Variants in COL5A1 observed in about 807,000 individuals in gnomAD.
COL5A1 encodes collagen type V alpha 1 chain.
In COL5A1, 16 loss-of-function variants were observed where a neutral mutation model predicts 263.7. The ratio of observed to expected loss-of-function variants is 0.06; its 90% CI spans 0.04 to 0.09. The LOEUF is 0.09. COL5A1 is among the 10% of genes least tolerant of loss of function. The pLI, the probability that COL5A1 is intolerant of heterozygous loss-of-function variation, is 1.00. For synonymous variants in COL5A1, 1,012 were observed against 1,004.5 expected (o/e 1.01, Z -0.14); for missense variants, 2,036 against 2,540.5 (o/e 0.80, Z 4.27).
chr9:134,657,530 G>C (rs1223697133), intron 1 of COL5A1, among the ~76,000 whole-genome samples: 1 of 77,420 alleles, frequency 1.3e-5, no homozygotes, highest in Non-Finnish European at 2.5e-5. Context: ...TGGGGGTGGG[G>C]TGGGGGTGTA....
chr9:134,772,697 T>A, intron 25 of COL5A1, 93 bp from the exon 26 acceptor site: 1 of 1,306,856 alleles, frequency 7.7e-7, no homozygotes, highest in Non-Finnish European at 1.1e-6. Context: ...GGAAATGGGC[T>A]CCATGATCAT....
At chr9:134,753,788 C>A in intron 14 of COL5A1, 62 bp from the exon 15 acceptor site, 2 of 1,131,850 alleles carry the variant, frequency 1.8e-6, no homozygotes, top group Non-Finnish European at 2.7e-6. Context: ...CCACCCCCAG[C>A]CCTTCCTGTG....
rs1203430164 is a variant in COL5A1 at position 134,642,477 on chromosome 9, C to T, written c.109+181C>T. 6.6e-6 allele frequency among the ~76,000 whole-genome samples: 1 copy of T among 151,402 alleles called. No individual in the cohort carries two copies. Among genetic ancestry groups the T allele is most frequent in the Non-Finnish European group, 1.5e-5 (1 of 67,560 alleles). On this transcript the variant is annotated intron_variant, in intron 1 of 65. Transcript: ENST00000371817. The surrounding 1 kb of genome is among the most constrained non-coding windows in gnomAD (Gnocchi z 4.5). ...GAGATGACGACACGCAGACACAATG[C>T]CCGCGGGCGCGCCGCCGCCCCCTCC...
At chr9:134,664,722 G>T (rs567097383) in intron 1 of COL5A1, among the ~76,000 whole-genome samples, 4 of 152,328 alleles carry the variant, frequency 2.6e-5, no homozygotes, top group African/African-American at 9.6e-5. Context: ...TGTTCCCATG[G>T]TGCCTTCTCT....
intron 11 of COL5A1, among the ~76,000 whole-genome samples, chr9:134,744,192 C>T (rs1339260648): frequency 6.6e-6 from 1 of 152,188 alleles, no homozygotes; most frequent in Admixed American, 6.5e-5. Context: ...ATGGGACACG[C>T]CAATCCAGTC....
chr9:134,768,491 C>A, intron 25 of COL5A1, 28 bp downstream of exon 25: 1 of 1,609,640 alleles, frequency 6.2e-7, no homozygotes, highest in Non-Finnish European at 8.5e-7. Flanking sequence ...CCTCATCCCT[C>A]CATACTCTCC....
At chr9:134,812,840 G>A (rs1247574411) in intron 48 of COL5A1, 128 bp downstream of exon 48, 5 of 735,668 alleles carry the variant, frequency 6.8e-6, no homozygotes, top group Non-Finnish European at 1.2e-5. Context: ...GCATACACGT[G>A]TGTGTACCTC....
rs149305894 is a variant in COL5A1, at chr9:134,806,565, T to C, written c.3366+269T>C. Among the ~76,000 whole-genome samples, 33 of 152,248 alleles carry C rather than the reference T, an allele frequency of 2.2e-4. No individual in the cohort carries two copies. In the East Asian group the frequency reaches 6.4e-3, roughly 29 times the overall value. On this transcript the variant is annotated intron_variant, in intron 42 of 65. Coordinates refer to ENST00000371817, the MANE Select transcript of COL5A1 (RefSeq NM_000093.5). ...GCCCTGTGGGATGATGTTGGGCCGG[T>C]CTCAGCCTGTCCACGCGTGCATGCT...
At chr9:134,708,761 C>G (rs535008844) in intron 4 of COL5A1, 1 of 472,346 alleles carries the variant, frequency 2.1e-6, no homozygotes, top group South Asian at 1.5e-5. Context: ...AACCAACTGT[C>G]ACAGCCCGGT....
At chr9:134,692,338 G>A (rs533608207) in intron 2 of COL5A1, among the ~76,000 whole-genome samples, 66 of 152,124 alleles carry the variant, frequency 4.3e-4, no homozygotes, top group Non-Finnish European at 7.5e-4. Flanking sequence ...GCCTGTCCCC[G>A]CAAAGGACTG....
chr9:134,822,623 C>T (rs1487290183), intron 59 of COL5A1, among the ~76,000 whole-genome samples: 3 of 152,092 alleles, frequency 2.0e-5, no homozygotes, highest in African/African-American at 7.2e-5. Context: ...CCGGGGGCCC[C>T]TGGCACGCTG....
chr9:134,760,616 CACACACCCACACA>C (rs1836356110), intron 18 of COL5A1, among the ~76,000 whole-genome samples: 3 of 111,938 alleles, frequency 2.7e-5, no homozygotes, highest in African/African-American at 1.3e-4. Context: ...CATGCACACA[CACACACCCACACA>C]CCCCCACACT....
chr9:134,725,515 C>G (rs904617364), intron 4 of COL5A1, among the ~76,000 whole-genome samples: 1 of 152,192 alleles, frequency 6.6e-6, no homozygotes, highest in African/African-American at 2.4e-5. Context: ...TGACTCCTAG[C>G]GTGCCTGTCA....
intron 1 of COL5A1, among the ~76,000 whole-genome samples, chr9:134,687,016 C>T (rs780087141): frequency 6.6e-6 from 1 of 152,206 alleles, no homozygotes; most frequent in African/African-American, 2.4e-5. Flanking sequence ...GGAGGCCCCA[C>T]TCCACTATCC....
In COL5A1 at chr9:134,841,634, GGC is replaced by G. The variant is rs1830104861; in HGVS notation, c.5371-522_5371-521del. 6.6e-6 allele frequency among the ~76,000 whole-genome samples: 1 copy of G among 152,164 alleles called. No individual in the cohort carries two copies. Among genetic ancestry groups the G allele is most frequent in the East Asian group, 1.9e-4 (1 of 5,186 alleles). On this transcript the variant is annotated intron_variant, in intron 65 of 65. Transcript: ENST00000371817. This position sits in a 1 kb window ranked among gnomAD's most constrained non-coding sequence, Gnocchi z 4.8. ...AAGACCCAGCCCACCGAGTGCCTAA[GGC>G]AGTGTGTGGCAGGTGGTCGTAGGGG...
chr9:134,827,551 G>T (rs1338315246), intron 63 of COL5A1, among the ~76,000 whole-genome samples: 1 of 152,234 alleles, frequency 6.6e-6, no homozygotes, highest in Non-Finnish European at 1.5e-5. Context: ...TCTGCAAATG[G>T]GTGGCCTTGC....
Position 134,802,763 on chromosome 9 carries a change from G to A in COL5A1, c.3007-125G>A, listed in dbSNP as rs1838158637. 1.3e-5 allele frequency: 10 copies of A among 755,000 alleles called. No individual in the cohort carries two copies. The South Asian group carries it at 1.5e-4, about 11-fold the overall frequency. The allele number at this position is 755,000 out of a possible 1,614,324, so 46.8% of individuals were successfully genotyped here. ...GAGAAGGCTTGCAAAGGCACTTGGA[G>A]GTTTGGTGTGCCCGCAGCAGACCTT... On this transcript the variant is annotated intron_variant, in intron 38 of 65. Transcript: ENST00000371817.
At chr9:134,664,081 G>A (rs902904501) in intron 1 of COL5A1, among the ~76,000 whole-genome samples, 1 of 152,222 alleles carries the variant, frequency 6.6e-6, no homozygotes, top group African/African-American at 2.4e-5. Flanking sequence ...TGGCAGAAAT[G>A]TAGGGTTTGG....
At chr9:134,775,285 G>A (rs1048450446) in intron 27 of COL5A1, among the ~76,000 whole-genome samples, 4 of 152,258 alleles carry the variant, frequency 2.6e-5, no homozygotes, top group African/African-American at 9.6e-5. Flanking sequence ...GATCCCGGCT[G>A]AAGCCAAGAG....
Sources: gnomAD v4.1 joint callset for allele counts (sites outside exome capture counted in the v4.1 genomes callset) on GRCh38, gnomAD v4.1.1 for gene constraint, Gnocchi (gnomAD v3.1) non-coding constraint, MANE v1.5 for transcripts, NCBI Gene and HGNC (gene_info 2026-07-23, HGNC 2026-07-21) for gene names.